KIF26B: variants seen among roughly 807,000 people sequenced by gnomAD.
KIF26B encodes the protein kinesin-like protein KIF26B.
KIF26B carries 63 observed loss-of-function variants against 151.2 expected under a neutral mutation model. The ratio of observed to expected loss-of-function variants is 0.42; its 90% CI spans 0.34 to 0.51. The LOEUF (loss-of-function observed/expected upper bound fraction) is 0.51. KIF26B is among the 20% of genes least tolerant of loss of function. The pLI is 0.07. For missense variants in KIF26B, 2,813 were observed against 2,913.6 expected (o/e 0.97, Z 0.79); for synonymous variants, 1,357 against 1,262.1 (o/e 1.08, Z -1.59).
chr1:245,197,158 A>G (rs1013558679), intron 2 of KIF26B, among the ~76,000 whole-genome samples: 8 of 152,210 alleles, frequency 5.3e-5, no homozygotes, highest in African/African-American at 1.7e-4. Context: ...TTGAATAACA[A>G]CCTTCCACAC....
At chr1:245,518,732 G>A (rs139261251) in intron 4 of KIF26B, among the ~76,000 whole-genome samples, 1 of 152,300 alleles carries the variant, frequency 6.6e-6, no homozygotes, top group African/African-American at 2.4e-5. Flanking sequence ...CATCTTGGAT[G>A]CTTTTAGTCA....
rs1393930617 is a variant in KIF26B, at chr1:245,686,870, A to G, written c.3887A>G (p.His1296Arg). Residue 1296 changes from histidine (H) to arginine (R), a missense_variant, in exon 12 of 15, where the codon CAC becomes CGC. This residue lies in a region of KIF26B where 2,060 missense variants were observed against 2,088.6 expected (regional missense o/e 0.99). Coordinates refer to ENST00000407071, the MANE Select transcript of KIF26B (RefSeq NM_018012.4). This position sits in a 1 kb window ranked among gnomAD's most constrained non-coding sequence, Gnocchi z 5.6. ...SAGSEGEQSC[H>R]SFIAQTCFGH... ...GGCAGTGAGGGTGAGCAGTCGTGCC[A>G]CAGTTTCATAGCCCAGACGTGTTTT... is the stretch of plus-strand genomic sequence containing the variant. The G allele has an allele frequency of 1.1e-5, 18 of 1,613,598 alleles. No homozygotes were observed. The highest frequency in any genetic ancestry group is 1.4e-5 in the Non-Finnish European group (17 of 1,179,832).
intron 5 of KIF26B, among the ~76,000 whole-genome samples, chr1:245,591,932 G>A (rs2043292801): frequency 6.6e-6 from 1 of 152,162 alleles, no homozygotes; most frequent in Admixed American, 6.5e-5. Flanking sequence ...ACGGGGAAGG[G>A]CTTTCTTCCT....
intron 4 of KIF26B, among the ~76,000 whole-genome samples, chr1:245,482,130 C>T (rs1467524357): frequency 6.6e-6 from 1 of 151,808 alleles, no homozygotes. Flanking sequence ...CTTGCTCTGT[C>T]ACCCAGGCTG....
In KIF26B at chr1:245,686,161, C is replaced by T; in HGVS notation, c.3178C>T (p.Pro1060Ser). 1 of 1,612,492 alleles carries T rather than the reference C, an allele frequency of 6.2e-7. No homozygotes were observed. The highest frequency in any genetic ancestry group is 8.5e-7 in the Non-Finnish European group (1 of 1,179,840). Residue 1060 changes from proline (P) to serine (S), a missense_variant, in exon 12 of 15, where the codon CCC becomes TCC. Pro to Ser is a moderately conservative substitution (Grantham distance 74). Coordinates refer to ENST00000407071, the MANE Select transcript of KIF26B (RefSeq NM_018012.4). This position sits in a 1 kb window ranked among gnomAD's most constrained non-coding sequence, Gnocchi z 5.6. Reference sequence around the variant, plus strand: ...CTCCTGCGGCTTCGTGGAAGGCAAGCCCAGGCCCATGGGCTCCCCCCGGCT... The same window carrying T: ...CTCCTGCGGCTTCGTGGAAGGCAAGTCCAGGCCCATGGGCTCCCCCCGGCT... ...LNSCGFVEGK[P>S]RPMGSPRLGI...
chr1:245,522,083 A>C (rs545439997), intron 4 of KIF26B, among the ~76,000 whole-genome samples: 11 of 151,926 alleles, frequency 7.2e-5, no homozygotes, highest in Admixed American at 2.0e-4. Context: ...GTTAGCCAGG[A>C]TGGTCTCGAT....
chr1:245,669,011 C>G (rs2044250943), intron 10 of KIF26B, among the ~76,000 whole-genome samples: 1 of 152,266 alleles, frequency 6.6e-6, no homozygotes, highest in Middle Eastern at 3.4e-3. Flanking sequence ...TTTCTTTAAA[C>G]CACACATGAT....
intron 3 of KIF26B, among the ~76,000 whole-genome samples, chr1:245,394,957 T>A (rs1472460992): frequency 6.6e-6 from 1 of 152,162 alleles, no homozygotes; most frequent in Non-Finnish European, 1.5e-5. Context: ...CCTCCCAAAG[T>A]GCTAGGATTA....
At chr1:245,547,878 G>A (rs962226795) in intron 5 of KIF26B, among the ~76,000 whole-genome samples, 1 of 152,174 alleles carries the variant, frequency 6.6e-6, no homozygotes, top group Non-Finnish European at 1.5e-5. Flanking sequence ...GTTTGGTCCT[G>A]TAGCCCAGAG....
At chr1:245,672,208 G>A (rs896579404) in intron 10 of KIF26B, among the ~76,000 whole-genome samples, 4 of 152,106 alleles carry the variant, frequency 2.6e-5, no homozygotes, top group African/African-American at 7.2e-5. Context: ...GCTTCACCAG[G>A]CCTCCTGGAA....
intron 2 of KIF26B, among the ~76,000 whole-genome samples, chr1:245,175,343 C>CT (rs1668785498): frequency 6.6e-6 from 1 of 151,976 alleles, no homozygotes; most frequent in African/African-American, 2.4e-5. Context: ...CTGGGAAAAT[C>CT]TAAGAATGGA....
chr1:245,170,876 C>T lies in KIF26B; in HGVS notation c.465+14193C>T, dbSNP rs554652055. Among the ~76,000 whole-genome samples the T allele has an allele frequency of 6.6e-6, 1 of 152,314 alleles. No homozygotes were observed. The highest frequency in any genetic ancestry group is 2.1e-4 in the South Asian group (1 of 4,818). On this transcript the variant is annotated intron_variant, in intron 2 of 14. Transcript: ENST00000407071. The surrounding 1 kb of genome is among the most constrained non-coding windows in gnomAD (Gnocchi z 4.4). ...ATGAGGTCACTTGTCTAGACACTGACCCCTCAGGCAGTGTTCATGTTTGGT... is the reference window on the plus strand; with the variant it reads ...ATGAGGTCACTTGTCTAGACACTGATCCCTCAGGCAGTGTTCATGTTTGGT...
At chr1:245,321,656 G>T (rs1264601672) in intron 2 of KIF26B, among the ~76,000 whole-genome samples, 3 of 152,210 alleles carry the variant, frequency 2.0e-5, no homozygotes, top group Non-Finnish European at 2.9e-5. Flanking sequence ...GAAACAGCTT[G>T]CCCAAGTAAA....
intron 3 of KIF26B, among the ~76,000 whole-genome samples, chr1:245,392,312 TC>T (rs546218933): frequency 1.2e-3 from 183 of 152,354 alleles, no homozygotes; most frequent in Non-Finnish European, 1.9e-3. Flanking sequence ...GGATCAATAT[TC>T]TATATTATGA....
chr1:245,472,260 G>A (rs777419138), intron 4 of KIF26B, among the ~76,000 whole-genome samples: 1 of 152,184 alleles, frequency 6.6e-6, no homozygotes, highest in Non-Finnish European at 1.5e-5. Flanking sequence ...GCCCGTGGGA[G>A]GTTCTCACCA....
At chr1:245,567,915 G>A (rs2043026170) in intron 5 of KIF26B, among the ~76,000 whole-genome samples, 1 of 152,036 alleles carries the variant, frequency 6.6e-6, no homozygotes, top group African/African-American at 2.4e-5. Flanking sequence ...CGGGCACGGT[G>A]GCTCACACCT....
chr1:245,265,956 A>G (rs1670738390), intron 2 of KIF26B, among the ~76,000 whole-genome samples: 1 of 152,190 alleles, frequency 6.6e-6, no homozygotes, highest in African/African-American at 2.4e-5. Flanking sequence ...CCATGAATTA[A>G]TGATTGCTAA....
chr1:245,402,551 T>C (rs540912426), intron 3 of KIF26B, among the ~76,000 whole-genome samples: 15 of 152,342 alleles, frequency 9.8e-5, no homozygotes, highest in Middle Eastern at 6.8e-3. Flanking sequence ...TAAAAATTGA[T>C]AGTCTGTAAA....
At chr1:245,371,191 T>C (rs1177419954) in intron 3 of KIF26B, among the ~76,000 whole-genome samples, 10 of 152,262 alleles carry the variant, frequency 6.6e-5, no homozygotes, top group Middle Eastern at 3.4e-3. Context: ...GATAAAGAGA[T>C]TTGGTGCCTG....
Sources: gnomAD v4.1 joint callset for allele counts (sites outside exome capture counted in the v4.1 genomes callset) on GRCh38, gnomAD v4.1.1 for gene constraint, gnomAD v4.1.1 regional missense constraint, Gnocchi (gnomAD v3.1) non-coding constraint, MANE v1.5 for transcripts, NCBI Gene and HGNC (gene_info 2026-07-23, HGNC 2026-07-21) for gene names.